DACH2: variants seen among roughly 807,000 people sequenced by gnomAD.
DACH2 encodes the protein dachshund homolog 2.
Under a neutral mutation model 35.8 loss-of-function variants are expected in DACH2, and 17 were observed. The observed-to-expected ratio is 0.48, with a 90% CI of 0.33 to 0.71. The LOEUF (loss-of-function observed/expected upper bound fraction) is 0.71, where lower values mean the gene tolerates loss of function less well. DACH2 is among the 30% of genes least tolerant of loss of function. The pLI is 0.02. For missense variants in DACH2, 469 were observed against 472.7 expected (o/e 0.99, Z 0.07); for synonymous variants, 195 against 177.3 (o/e 1.10, Z -0.79).
intron 1 of DACH2, among the ~76,000 whole-genome samples, chrX:86,286,625 G>T (rs748529080): frequency 9.0e-6 from 1 of 110,499 alleles, no homozygotes; most frequent in South Asian, 3.8e-4. Flanking sequence ...TGGACCCCTT[G>T]TATTTTTTTG....
chrX:86,224,412 C>T (rs1425397418), intron 1 of DACH2, among the ~76,000 whole-genome samples: 3 of 111,524 alleles, frequency 2.7e-5, no homozygotes, highest in Non-Finnish European at 5.7e-5. Context: ...GATGCATGTG[C>T]ATATTGTCCC....
At position 86,695,184 on chromosome X, in the gene DACH2, G is replaced by A; in HGVS notation, c.931+5G>A. 9.8e-7 allele frequency: 1 copy of A among 1,023,508 alleles called. No homozygotes were observed. Among genetic ancestry groups the A allele is most frequent in the Non-Finnish European group, 1.3e-6 (1 of 794,412 alleles). The allele number at this position is 1,023,508 out of a possible 1,213,427, so 84.3% of individuals were successfully genotyped here. On this transcript the variant is annotated splice_donor_5th_base_variant and intron_variant, in intron 5 of 11. Transcript: ENST00000373125. ...AGAACCACCTGCTAACCAATAGTAT[G>A]TATACTGTCCTCACAAAACTGGGTG...
intron 3 of DACH2, among the ~76,000 whole-genome samples, chrX:86,518,859 C>A (rs906033952): frequency 8.9e-6 from 1 of 111,976 alleles, no homozygotes; most frequent in Non-Finnish European, 1.9e-5. Flanking sequence ...ATATCAACTT[C>A]CTTTCTTCCT....
chrX:86,586,578 A>C (rs986361922), intron 3 of DACH2, among the ~76,000 whole-genome samples: 26 of 111,658 alleles, frequency 2.3e-4, no homozygotes, highest in African/African-American at 3.2e-5. Context: ...TTAAGTCTTT[A>C]ATCCATCTTC....
chrX:86,295,898 C>A (rs763005390), intron 1 of DACH2, among the ~76,000 whole-genome samples: 1 of 109,505 alleles, frequency 9.1e-6, no homozygotes, highest in South Asian at 4.0e-4. Flanking sequence ...ACTATGAGTG[C>A]TCACCTTATT....
intron 1 of DACH2, among the ~76,000 whole-genome samples, chrX:86,180,208 G>A (rs866528433): frequency 2.4e-4 from 7 of 29,177 alleles, no homozygotes; most frequent in Non-Finnish European, 4.2e-4. Flanking sequence ...ATATATATAT[G>A]GTTCTTATAG....
intron 3 of DACH2, among the ~76,000 whole-genome samples, chrX:86,618,584 T>C (rs1258954612): frequency 8.9e-6 from 1 of 112,358 alleles, no homozygotes; most frequent in Non-Finnish European, 1.9e-5. Flanking sequence ...AAATATGTTT[T>C]ACATAAAATG....
At position 86,149,025 on chromosome X, in the gene DACH2, G is replaced by A; in HGVS notation, c.405G>A (p.Gly135=). ...VEQVRILRGL[G]AIQPGVNRCK... Reference sequence around the variant, plus strand: ...AGGTCCGGATCCTCCGCGGGCTGGGGGCCATCCAGCCCGGGGTAAACCGCT... The same window carrying A: ...AGGTCCGGATCCTCCGCGGGCTGGGAGCCATCCAGCCCGGGGTAAACCGCT... Residue 135 remains glycine (G), a synonymous_variant, in exon 1 of 12, where the codon GGG becomes GGA. Coordinates refer to ENST00000373125, the MANE Select transcript of DACH2 (RefSeq NM_053281.3). 1 of 1,209,765 alleles carries A rather than the reference G, an allele frequency of 8.3e-7. No individual in the cohort carries two copies. The highest frequency in any genetic ancestry group is 1.1e-6 in the Non-Finnish European group (1 of 894,254).
rs375905586 is a variant in DACH2, at chrX:86,798,876, G to A, written c.1241-13980G>A. 18 of 150,275 alleles carry A rather than the reference G, an allele frequency of 1.2e-4. No individual in the cohort carries two copies. The East Asian group carries it at 3.9e-3, about 32-fold the overall frequency. 12.4% of individuals were successfully genotyped at this position (150,275 alleles called of 1,213,427 possible). A position where few individuals can be genotyped will look rare whatever the true frequency, so the allele number is the denominator to read the frequency against. ...TATACACTTGAGAGGGCAGGGCAAA[G>A]GCTCATCTCCTTGTTGTATCTCTAA... On this transcript the variant is annotated intron_variant, in intron 7 of 11. Transcript: ENST00000373125.
intron 3 of DACH2, among the ~76,000 whole-genome samples, chrX:86,639,673 A>G (rs1227595381): frequency 3.6e-5 from 4 of 111,406 alleles, no homozygotes; most frequent in Non-Finnish European, 5.7e-5. Flanking sequence ...CCAGCCAGCT[A>G]CCAGGAGTGG....
intron 6 of DACH2, among the ~76,000 whole-genome samples, chrX:86,726,284 G>A (rs2041468449): frequency 9.0e-6 from 1 of 111,357 alleles, no homozygotes; most frequent in Non-Finnish European, 1.9e-5. Context: ...CAGCCAGGTG[G>A]CAGATGCAGC....
chrX:86,819,900 C>T (rs954322780), intron 11 of DACH2, among the ~76,000 whole-genome samples: 7 of 111,410 alleles, frequency 6.3e-5, no homozygotes, highest in African/African-American at 2.3e-4. Context: ...CATGTTTATA[C>T]CTTAGTTAAC....
At chrX:86,547,693 A>G (rs2038995339) in intron 3 of DACH2, among the ~76,000 whole-genome samples, 1 of 112,060 alleles carries the variant, frequency 8.9e-6, no homozygotes. Context: ...AAAATCTACT[A>G]GTAAAGGAAG....
intron 7 of DACH2, among the ~76,000 whole-genome samples, chrX:86,800,815 AC>A (rs2042286006): frequency 9.1e-6 from 1 of 110,182 alleles, no homozygotes; most frequent in African/African-American, 3.3e-5. Flanking sequence ...GATTACAGGC[AC>A]CTGCCACTGT....
chrX:86,698,905 A>T (rs1399509660), intron 5 of DACH2, among the ~76,000 whole-genome samples: 7 of 111,360 alleles, frequency 6.3e-5, no homozygotes, highest in Non-Finnish European at 9.4e-5. Flanking sequence ...AAGCAGGAGT[A>T]GCAATTCTTA....
At chrX:86,335,414 C>A (rs1262337829) in intron 1 of DACH2, among the ~76,000 whole-genome samples, 1 of 111,454 alleles carries the variant, frequency 9.0e-6, no homozygotes, top group Non-Finnish European at 1.9e-5. Flanking sequence ...TATTTGTGTC[C>A]TTTCTTATTT....
chrX:86,411,036 A>ATATATATATATATATATATATATGTATG (rs768655432), intron 2 of DACH2, among the ~76,000 whole-genome samples: 2 of 79,946 alleles, frequency 2.5e-5, no homozygotes, highest in South Asian at 6.7e-4. Context: ...ATATATATAT[A>ATATATATATATATATATATATATGTATG]TATGTATATA....
intron 1 of DACH2, among the ~76,000 whole-genome samples, chrX:86,323,554 T>C (rs1172836114): frequency 1.8e-5 from 2 of 111,199 alleles, no homozygotes; most frequent in African/African-American, 6.6e-5. Flanking sequence ...ATGGTGACCA[T>C]GGAAAGGAAA....
chrX:86,235,362 C>T (rs923691511), intron 1 of DACH2, among the ~76,000 whole-genome samples: 9 of 112,396 alleles, frequency 8.0e-5, no homozygotes, highest in African/African-American at 2.9e-4. Flanking sequence ...CTATACTGAC[C>T]TCCATGTACA....
Sources: gnomAD v4.1 joint callset for allele counts (sites outside exome capture counted in the v4.1 genomes callset) on GRCh38, gnomAD v4.1.1 for gene constraint, MANE v1.5 for transcripts, NCBI Gene and HGNC (gene_info 2026-07-23, HGNC 2026-07-21) for gene names.